BTBD16: variants seen among roughly 807,000 people sequenced by gnomAD.
BTBD16 encodes BTB/POZ domain-containing protein 16.
Under a neutral mutation model 67.4 loss-of-function variants are expected in BTBD16, and 66 were observed. That is an observed-to-expected ratio of 0.98 (90% CI 0.80 to 1.20). The LOEUF (loss-of-function observed/expected upper bound fraction) is 1.20. BTBD16 is among the 50% of genes most tolerant of loss of function. The probability of loss-of-function intolerance (pLI) is 0.00; values close to 1 mark genes in which losing one functional copy is unlikely to be tolerated. For missense variants in BTBD16, 634 were observed against 616.0 expected, an observed-to-expected ratio of 1.03 and a Z score of -0.31; for synonymous variants, 242 against 236.4, an observed-to-expected ratio of 1.02 and a Z score of -0.22.
At position 122,290,437 on chromosome 10, in the gene BTBD16, C is replaced by T. The variant is rs369202800; in HGVS notation, c.475+439C>T. 9.3e-4 allele frequency among the ~76,000 whole-genome samples: 141 copies of T among 152,332 alleles called. 1 individual carries two copies. In the South Asian group the frequency reaches 0.018, roughly 20 times the overall value. On this transcript the variant is annotated intron_variant, in intron 6 of 15. Transcript: ENST00000260723. ...TGGGCTCACTCTCTCCCCATCCCCT[C>T]ACAGCCACTCATGGGCAGACTTCTT... is the stretch of plus-strand genomic sequence containing the variant.
At chr10:122,328,528 C>A (rs568426661) in intron 10 of BTBD16, among the ~76,000 whole-genome samples, 3 of 152,146 alleles carry the variant, frequency 2.0e-5, no homozygotes, top group Non-Finnish European at 2.9e-5. Context: ...GGAAAGCTGG[C>A]GGGCATCTCT....
chr10:122,289,488 C>T (rs1448972760), intron 5 of BTBD16, among the ~76,000 whole-genome samples: 1 of 152,094 alleles, frequency 6.6e-6, no homozygotes, highest in Admixed American at 6.6e-5. Context: ...TTTGTAATCC[C>T]AGCACTTTGG....
intron 9 of BTBD16, among the ~76,000 whole-genome samples, chr10:122,303,848 A>G (rs2096398569): frequency 6.6e-6 from 1 of 152,172 alleles, no homozygotes; most frequent in Non-Finnish European, 1.5e-5. Flanking sequence ...AGGTGTGTGA[A>G]TGTCTTTGGT....
At chr10:122,331,132 G>C (rs775147488) in intron 11 of BTBD16, 44 bp from the exon 12 acceptor site, 1 of 1,596,786 alleles carries the variant, frequency 6.3e-7, no homozygotes, top group African/African-American at 1.4e-5. Flanking sequence ...TGAGGCTCTG[G>C]TGTGAATAAA....
At chr10:122,289,109 G>C (rs919902229) in intron 5 of BTBD16, among the ~76,000 whole-genome samples, 4 of 152,138 alleles carry the variant, frequency 2.6e-5, no homozygotes, top group Non-Finnish European at 5.9e-5. Flanking sequence ...CTCTGGGGCA[G>C]AGTGACAATA....
intron 6 of BTBD16, among the ~76,000 whole-genome samples, chr10:122,290,479 G>A (rs1372490939): frequency 1.3e-5 from 2 of 152,144 alleles, no homozygotes; most frequent in Admixed American, 6.5e-5. Flanking sequence ...TGCAACATCC[G>A]TGATGTCATG....
At chr10:122,320,202 T>C (rs2096433058) in intron 10 of BTBD16, among the ~76,000 whole-genome samples, 1 of 152,146 alleles carries the variant, frequency 6.6e-6, no homozygotes, top group Non-Finnish European at 1.5e-5. Flanking sequence ...TCTTGCCTTA[T>C]TACACTGAAT....
At chr10:122,324,036 A>G (rs2096439976) in intron 10 of BTBD16, among the ~76,000 whole-genome samples, 1 of 152,228 alleles carries the variant, frequency 6.6e-6, no homozygotes, top group Non-Finnish European at 1.5e-5. Context: ...GAATGTAGCC[A>G]ATGAAGCCAA....
intron 1 of BTBD16, among the ~76,000 whole-genome samples, chr10:122,273,221 G>GATATATATATATACATATAT (rs2096332878): frequency 7.7e-6 from 1 of 129,470 alleles, no homozygotes; most frequent in Admixed American, 8.1e-5. Flanking sequence ...GCAACACAAA[G>GATATATATATATACATATAT]ATATATATAT....
At chr10:122,320,330 G>GT (rs1169545294) in intron 10 of BTBD16, among the ~76,000 whole-genome samples, 3 of 151,872 alleles carry the variant, frequency 2.0e-5, no homozygotes, top group South Asian at 2.1e-4. Flanking sequence ...TTAACTATAG[G>GT]TTTTTTATAG....
intron 3 of BTBD16, among the ~76,000 whole-genome samples, chr10:122,281,239 T>C (rs8181314): frequency 0.46 from 69,179 of 152,040 alleles, 17,080 homozygotes; most frequent in East Asian, 0.89. Context: ...CAGTACTTTT[T>C]TTGTGTGTGA....
chr10:122,294,230 G>A (rs2096379109), intron 7 of BTBD16: 1 of 985,104 alleles, frequency 1.0e-6, no homozygotes, highest in Non-Finnish European at 1.2e-6. Context: ...TAGGATACAT[G>A]TGTGTTTGTG....
At chr10:122,290,865 A>G (rs2096372693) in intron 6 of BTBD16, among the ~76,000 whole-genome samples, 1 of 152,180 alleles carries the variant, frequency 6.6e-6, no homozygotes, top group African/African-American at 2.4e-5. Context: ...CTTTCAGCAG[A>G]AGCTCAGCTT....
Position 122,286,101 on chromosome 10 carries a change from T to C in BTBD16, c.242-4T>C. On this transcript the variant is annotated splice_region_variant and splice_polypyrimidine_tract_variant and intron_variant, in intron 4 of 15. Transcript: ENST00000260723. ...GTTTGCTCAGCATCATTTTCTGTCC[T>C]CAGATGTGATTCTCGAGTGCCTGGG... 6.2e-7 allele frequency: 1 copy of C among 1,612,616 alleles called. No homozygotes were observed. Among genetic ancestry groups the C allele is most frequent in the Non-Finnish European group, 8.5e-7 (1 of 1,179,024 alleles).
intron 13 of BTBD16, chr10:122,332,739 C>A: frequency 2.4e-6 from 2 of 848,304 alleles, no homozygotes; most frequent in Non-Finnish European, 2.8e-6. Flanking sequence ...ACTAAGAGGA[C>A]CAGCAGTCCT....
chr10:122,289,016 A>T (rs971965161), intron 5 of BTBD16, among the ~76,000 whole-genome samples: 4 of 152,154 alleles, frequency 2.6e-5, no homozygotes, highest in Admixed American at 2.6e-4. Context: ...GACTGAGTGG[A>T]TGGCATTGGC....
intron 15 of BTBD16, among the ~76,000 whole-genome samples, 192 bp from the exon 16 acceptor site, chr10:122,337,825 C>T (rs1366077780): frequency 6.6e-6 from 1 of 152,194 alleles, no homozygotes; most frequent in Non-Finnish European, 1.5e-5. Context: ...GATTTGTGCA[C>T]GTTATTGTGT....
intron 3 of BTBD16, among the ~76,000 whole-genome samples, chr10:122,278,202 A>G (rs533314841): frequency 6.6e-6 from 1 of 152,268 alleles, no homozygotes; most frequent in South Asian, 2.1e-4. Flanking sequence ...CAAGAACTAA[A>G]TCTCTGTGAG....
chr10:122,299,233 A>C, intron 9 of BTBD16, 99 bp downstream of exon 9: 1 of 1,390,242 alleles, frequency 7.2e-7, no homozygotes, highest in Non-Finnish European at 9.7e-7. Flanking sequence ...CTGCACCCCC[A>C]CCTTAAGCTT....
Sources: gnomAD v4.1 joint callset for allele counts (sites outside exome capture counted in the v4.1 genomes callset) on GRCh38, gnomAD v4.1.1 for gene constraint, MANE v1.5 for transcripts, NCBI Gene and HGNC (gene_info 2026-07-23, HGNC 2026-07-21) for gene names.